GRM5: variants seen among roughly 807,000 people sequenced by gnomAD.
The protein encoded by GRM5 is metabotropic glutamate receptor 5.
GRM5 carries 19 observed loss-of-function variants against 83.1 expected under a neutral mutation model. The ratio of observed to expected loss-of-function variants is 0.23; its 90% confidence interval spans 0.16 to 0.34. The LOEUF is 0.34. GRM5 is among the 10% of genes least tolerant of loss of function. The probability of loss-of-function intolerance (pLI) is 1.00; values close to 1 mark genes in which losing one functional copy is unlikely to be tolerated. For missense variants in GRM5, 1,160 were observed against 1,588.3 expected, an observed-to-expected ratio of 0.73 and a Z score of 4.58; for synonymous variants, 675 against 633.6, an observed-to-expected ratio of 1.07 and a Z score of -0.98.
intron 2 of GRM5, among the ~76,000 whole-genome samples, chr11:89,031,399 G>A (rs574256990): frequency 6.6e-6 from 1 of 151,720 alleles, no homozygotes; most frequent in African/African-American, 2.4e-5. Context: ...TTTAAATACA[G>A]AGATAAATAT....
chr11:88,576,355 T>C (rs962093905), intron 7 of GRM5, among the ~76,000 whole-genome samples: 51 of 152,242 alleles, frequency 3.3e-4, no homozygotes, highest in African/African-American at 1.1e-3. Context: ...GTATTAGTAT[T>C]GTCTCTTTGA....
intron 2 of GRM5, among the ~76,000 whole-genome samples, chr11:88,928,381 A>G (rs1945826027): frequency 6.6e-6 from 1 of 151,880 alleles, no homozygotes; most frequent in Non-Finnish European, 1.5e-5. Flanking sequence ...AACTCCAAAG[A>G]GTAGTTGTGG....
chr11:88,986,244 A>C (rs1034960816), intron 2 of GRM5, among the ~76,000 whole-genome samples: 3 of 152,196 alleles, frequency 2.0e-5, no homozygotes, highest in Non-Finnish European at 2.9e-5. Context: ...GAAAAAGCCA[A>C]AGGTCATATA....
At chr11:88,522,510 CAT>C (rs1414402910) in intron 9 of GRM5, among the ~76,000 whole-genome samples, 1 of 151,166 alleles carries the variant, frequency 6.6e-6, no homozygotes, top group East Asian at 1.9e-4. Context: ...CCTCTCTTTT[CAT>C]ATGTCTCTAG....
intron 3 of GRM5, among the ~76,000 whole-genome samples, chr11:88,837,470 T>C (rs1944113088): frequency 6.6e-6 from 1 of 152,196 alleles, no homozygotes; most frequent in South Asian, 2.1e-4. Context: ...ACAGTGCTTG[T>C]TAAATAAAGA....
chr11:88,796,391 A>G (rs193182628), intron 3 of GRM5, among the ~76,000 whole-genome samples: 3 of 152,340 alleles, frequency 2.0e-5, no homozygotes, highest in East Asian at 1.9e-4. Flanking sequence ...TTAATAATGT[A>G]TGCTGAATAA....
chr11:88,649,586 T>C (rs547165596), intron 4 of GRM5, among the ~76,000 whole-genome samples: 1 of 149,756 alleles, frequency 6.7e-6, no homozygotes, highest in South Asian at 2.1e-4. Flanking sequence ...TTAAGAATGA[T>C]GGCTAACTTC....
chr11:88,903,298 C>T (rs868194134), intron 2 of GRM5, among the ~76,000 whole-genome samples: 35 of 152,132 alleles, frequency 2.3e-4, no homozygotes, highest in African/African-American at 7.2e-4. Flanking sequence ...AAGTGTGACA[C>T]ATTTTTAAAC....
intron 3 of GRM5, among the ~76,000 whole-genome samples, chr11:88,809,261 A>T (rs1250322478): frequency 6.6e-6 from 1 of 152,026 alleles, no homozygotes; most frequent in Non-Finnish European, 1.5e-5. Context: ...GTATTTTCTT[A>T]TGTTTCATCA....
At chr11:88,958,539 A>C (rs1483960031) in intron 2 of GRM5, among the ~76,000 whole-genome samples, 7 of 152,094 alleles carry the variant, frequency 4.6e-5, no homozygotes, top group African/African-American at 1.7e-4. Context: ...CACACATTTC[A>C]ATATAAAATA....
chr11:88,675,035 A>G (rs934255938), intron 3 of GRM5, among the ~76,000 whole-genome samples: 3 of 151,830 alleles, frequency 2.0e-5, no homozygotes, highest in Admixed American at 6.6e-5. Context: ...CATCCCTACT[A>G]TGGTACCAAT....
chr11:88,751,089 A>C (rs1232316459), intron 3 of GRM5, among the ~76,000 whole-genome samples: 8 of 149,024 alleles, frequency 5.4e-5, no homozygotes, highest in Admixed American at 6.8e-5. Context: ...AAAAAAAAAA[A>C]AAAAAACAAA....
intron 3 of GRM5, among the ~76,000 whole-genome samples, chr11:88,790,392 C>T (rs978152674): frequency 3.9e-5 from 6 of 152,046 alleles, no homozygotes; most frequent in African/African-American, 1.2e-4. Context: ...GCTGAATAAG[C>T]AAATTAATTT....
chr11:88,761,588 G>T (rs1942516621), intron 3 of GRM5, among the ~76,000 whole-genome samples: 1 of 152,044 alleles, frequency 6.6e-6, no homozygotes, highest in African/African-American at 2.4e-5. Context: ...CCATGTTGAT[G>T]AATAAGAAGA....
chr11:88,841,939 C>T (rs1304054946), intron 3 of GRM5, among the ~76,000 whole-genome samples: 1 of 152,142 alleles, frequency 6.6e-6, no homozygotes, highest in Non-Finnish European at 1.5e-5. Flanking sequence ...AGCAGATACT[C>T]ATAATACTTG....
At position 88,590,708 on chromosome 11, in the gene GRM5, A is replaced by G. The variant is rs1040146338; in HGVS notation, c.1583T>C (p.Val528Ala). The change falls in exon 7 of 10, where the codon GTC (valine) becomes GCC (alanine). Residue 528 changes from valine (V) to alanine (A), a missense_variant. By Grantham distance (64) the Val-to-Ala change is moderately conservative. Coordinates refer to ENST00000305447, the MANE Select transcript of GRM5 (RefSeq NM_001143831.3). ...AGGTGTACAGGTCCAACAACAGCTG[A>G]CTTCTCCCTTTCGGATCACCTAAGG... ...GQIKVIRKGE[V>A]SCCWTCTPCK... 6 of 1,611,746 alleles carry G rather than the reference A, an allele frequency of 3.7e-6. No individual in the cohort carries two copies. Among genetic ancestry groups the G allele is most frequent in the Non-Finnish European group, 5.1e-6 (6 of 1,177,990 alleles).
chr11:88,778,458 AC>A (rs1287455840), intron 3 of GRM5, among the ~76,000 whole-genome samples: 1 of 152,154 alleles, frequency 6.6e-6, no homozygotes, highest in Non-Finnish European at 1.5e-5. Flanking sequence ...TGTGGGCTGC[AC>A]CCACTGTCCA....
At chr11:88,646,495 GA>G (rs35717767) in intron 4 of GRM5, among the ~76,000 whole-genome samples, 104,279 of 151,574 alleles carry the variant, frequency 0.69, 41,684 homozygotes, top group Non-Finnish European at 0.9. Context: ...TGCTTAGAAG[GA>G]AAACAAAAAT....
intron 9 of GRM5, chr11:88,512,436 C>T (rs1941402038): frequency 1.3e-5 from 2 of 154,238 alleles, no homozygotes; most frequent in Admixed American, 1.3e-4. Context: ...ACAAAAGAAA[C>T]TCCCTACTCA....
Sources: gnomAD v4.1 joint callset for allele counts (sites outside exome capture counted in the v4.1 genomes callset) on GRCh38, gnomAD v4.1.1 for gene constraint, MANE v1.5 for transcripts, NCBI Gene and HGNC (gene_info 2026-07-23, HGNC 2026-07-21) for gene names.